The following MYO15A variants were observed in gnomAD, a reference collection of about 807,000 sequenced individuals.
MYO15A encodes the protein myosin XVA, also known as unconventional myosin-XV.
In MYO15A, 308 loss-of-function variants were observed where a neutral mutation model predicts 394.6. The observed-to-expected ratio is 0.78, with a 90% CI of 0.71 to 0.86. The LOEUF is 0.86. MYO15A is among the 40% of genes least tolerant of loss of function. The pLI is 0.00. For synonymous variants in MYO15A, 1,957 were observed against 2,003.8 expected (o/e 0.98, Z 0.62); for missense variants, 4,606 against 4,799.1 (o/e 0.96, Z 1.19).
At chr17:18,154,595 A>G in intron 44 of MYO15A, 85 bp from the exon 45 acceptor site, 1 of 1,413,028 alleles carries the variant, frequency 7.1e-7, no homozygotes, top group Non-Finnish European at 9.9e-7. Flanking sequence ...CCCCTCCCAC[A>G]TTGCCACTCA....
At chr17:18,115,019 C>T (rs141942884) in intron 1 of MYO15A, among the ~76,000 whole-genome samples, 6 of 152,306 alleles carry the variant, frequency 3.9e-5, no homozygotes, top group African/African-American at 1.2e-4. Flanking sequence ...GGATCCTGGG[C>T]CCTACTTCCT....
chr17:18,171,896 G>A (rs1223941467), intron 63 of MYO15A, 125 bp downstream of exon 63: 1 of 1,437,806 alleles, frequency 7.0e-7, no homozygotes, highest in Non-Finnish European at 9.3e-7. Flanking sequence ...GTCAAGCTGA[G>A]CACCTGCCTG....
At position 18,117,471 on chromosome 17, in the gene MYO15A, T is replaced by A. The variant is rs2045806252; in HGVS notation, c.-219-1111T>A. On this transcript the variant is annotated intron_variant, in intron 1 of 65. Coordinates refer to ENST00000647165, the MANE Select transcript of MYO15A (RefSeq NM_016239.4). The surrounding 1 kb of genome is among the most constrained non-coding windows in gnomAD (Gnocchi z 4.1). ...AACCTTGCTGCTTTGGGGTCTCCTA[T>A]GCTAAACCTTAAACAACCAAAGAAT... Among the ~76,000 whole-genome samples the A allele has an allele frequency of 1.3e-5, 2 of 152,212 alleles. No homozygotes were observed. The highest frequency in any genetic ancestry group is 4.8e-5 in the African/African-American group (2 of 41,446).
At position 18,146,031 on chromosome 17, in the gene MYO15A, G is replaced by A. The variant is rs2046473779; in HGVS notation, c.6433G>A (p.Glu2145Lys). Residue 2145 changes from glutamate to lysine, a missense_variant, in exon 30 of 66, where the codon GAG becomes AAG. Glu to Lys is a moderately conservative substitution (Grantham distance 56). Coordinates refer to ENST00000647165, the MANE Select transcript of MYO15A (RefSeq NM_016239.4). ...VWHNHNAHNA[E>K]RGWLLLAACL... ...GCACAATCACAATGCCCACAATGCT[G>A]AGCGGGGCTGGCTGCTGCTGGCCGC... The A allele has an allele frequency of 6.2e-7, 1 of 1,614,000 alleles. No homozygotes were observed. Among genetic ancestry groups the A allele is most frequent in the Admixed American group, 1.7e-5 (1 of 60,026 alleles).
In MYO15A at chr17:18,154,813, C is replaced by A. The variant is rs1047365751; in HGVS notation, c.8224+58C>A. 6 of 1,572,444 alleles carry A rather than the reference C, an allele frequency of 3.8e-6. No individual in the cohort carries two copies. In the Admixed American group the frequency reaches 8.4e-5, roughly 22 times the overall value. On this transcript the variant is annotated intron_variant, in intron 45 of 65. Transcript: ENST00000647165. ...GCAACCAGTCAGAGGCACAGCCAGC[C>A]CTGTCCCAGAGGGAGACTGAGGCTG...
intron 2 of MYO15A, chr17:18,123,252 C>T (rs854789): frequency 0.44 from 67,456 of 152,220 alleles, 16,352 homozygotes; most frequent in East Asian, 0.74. Context: ...CAATGGCAAC[C>T]GGGGCAGCCT....
At position 18,158,270 on chromosome 17, in the gene MYO15A, G is replaced by A. The variant is rs1020980090; in HGVS notation, c.8968-253G>A. On this transcript the variant is annotated intron_variant, in intron 51 of 65. Coordinates refer to ENST00000647165, the MANE Select transcript of MYO15A (RefSeq NM_016239.4). ...CGAGGGGCGGGGTCAGCTGTGACGT[G>A]GCAGTTGCGGAAGTCAACCCCGGGC... 5.9e-5 allele frequency: 35 copies of A among 592,206 alleles called. No homozygotes were observed. In the African/African-American group the frequency reaches 6.3e-4, roughly 11 times the overall value. The allele number at this position is 592,206 out of a possible 1,614,324, so 36.7% of individuals were successfully genotyped here. A position where few individuals can be genotyped will look rare whatever the true frequency, so the allele number is the denominator to read the frequency against.
At chr17:18,149,155 A>C in intron 33 of MYO15A, 61 bp from the exon 34 acceptor site, 1 of 1,604,852 alleles carries the variant, frequency 6.2e-7, no homozygotes, top group Admixed American at 1.7e-5. Context: ...TGCAGAAGAA[A>C]ATTTGGGGGA....
rs2046504807 is a variant in MYO15A, at chr17:18,147,659, C to T, written c.6510-370C>T. 2.0e-5 allele frequency among the ~76,000 whole-genome samples: 3 copies of T among 152,294 alleles called. 1 individual carries two copies. The highest frequency in any genetic ancestry group is 4.2e-4 in the South Asian group (2 of 4,814). Reference sequence around the variant, plus strand: ...GTTGTTGCCCACACCCAGCTGCAGACCCCAGCCTGTCAATGACATTTTGTT... The same window carrying T: ...GTTGTTGCCCACACCCAGCTGCAGATCCCAGCCTGTCAATGACATTTTGTT... On this transcript the variant is annotated intron_variant, in intron 30 of 65. Transcript: ENST00000647165. This position sits in a 1 kb window ranked among gnomAD's most constrained non-coding sequence, Gnocchi z 4.4.
intron 56 of MYO15A, chr17:18,160,963 C>T (rs1216721651): frequency 7.4e-6 from 3 of 403,652 alleles, no homozygotes; most frequent in Admixed American, 7.2e-5. Context: ...AGCCCTGGGC[C>T]TTACCTGGCA....
At chr17:18,112,569 G>A (rs749626404) in intron 1 of MYO15A, among the ~76,000 whole-genome samples, 6 of 152,160 alleles carry the variant, frequency 3.9e-5, no homozygotes, top group African/African-American at 7.2e-5. Context: ...CACCATGTTC[G>A]GCTGATTTTT....
intron 25 of MYO15A, 146 bp downstream of exon 25, chr17:18,142,986 G>A (rs1361592993): frequency 2.7e-6 from 2 of 746,230 alleles, no homozygotes; most frequent in African/African-American, 1.7e-5. Flanking sequence ...TTTGGCCATT[G>A]TCTATCCTCG....
At position 18,157,249 on chromosome 17, in the gene MYO15A, G is replaced by C; in HGVS notation, c.8788+19G>C. On this transcript the variant is annotated intron_variant, in intron 50 of 65. Transcript: ENST00000647165. ...GACTTTGGTGTGTGCCCCAGAACCT[G>C]GAACCCCATACGGGGCGCATCCTAG... The C allele has an allele frequency of 1.3e-6, 2 of 1,592,502 alleles. No individual in the cohort carries two copies. Among genetic ancestry groups the C allele is most frequent in the Non-Finnish European group, 8.6e-7 (1 of 1,169,088 alleles).
intron 38 of MYO15A, 45 bp from the exon 39 acceptor site, chr17:18,151,065 C>T (rs1017634161): frequency 3.7e-6 from 6 of 1,612,570 alleles, no homozygotes; most frequent in Non-Finnish European, 2.5e-6. Flanking sequence ...AGAGAGCAGC[C>T]TGGTATATCC....
At chr17:18,146,800 A>G (rs1340746706) in intron 30 of MYO15A, among the ~76,000 whole-genome samples, 1 of 152,140 alleles carries the variant, frequency 6.6e-6, no homozygotes, top group Non-Finnish European at 1.5e-5. Context: ...TGGCACACGC[A>G]TGTAGTCCCA....
intron 19 of MYO15A, among the ~76,000 whole-genome samples, chr17:18,140,058 C>T (rs2046351084): frequency 6.6e-6 from 1 of 152,222 alleles, no homozygotes; most frequent in Non-Finnish European, 1.5e-5. Flanking sequence ...GGGGGACCAA[C>T]TTTGGGTTCC....
rs757242173 is a variant in MYO15A, at chr17:18,122,087, C to G, written c.3287C>G (p.Ala1096Gly). 7.4e-6 allele frequency: 12 copies of G among 1,612,684 alleles called. No individual in the cohort carries two copies. Among genetic ancestry groups the G allele is most frequent in the Non-Finnish European group, 8.5e-6 (10 of 1,179,952 alleles). Residue 1096 changes from alanine (A) to glycine (G), a missense_variant, in exon 2 of 66, where the codon GCC (alanine) becomes GGC (glycine). Physicochemically the swap from Ala to Gly is moderately conservative, Grantham distance 60. Around this residue, in one of 2 missense-constraint regions of MYO15A, gnomAD observed 1,830 missense variants for 1,689.7 expected, o/e 1.08. Transcript: ENST00000647165. The stretch of plus-strand genomic sequence containing the variant: ...GCAGCCCCCTTGGCGCCCATCAGGG[C>G]CCCAGAGCCCCTGCCCAAGGGGGGT... Reference protein sequence around the residue: ...QAAAPLAPIRAPEPLPKGGER... With the variant: ...QAAAPLAPIRGPEPLPKGGER...
chr17:18,156,895 A>C, intron 48 of MYO15A, 59 bp from the exon 49 acceptor site: 1 of 1,457,356 alleles, frequency 6.9e-7, no homozygotes, highest in South Asian at 1.1e-5. Context: ...GGGTGGCCCT[A>C]GGCCTCTGGG....
chr17:18,126,209 T>G, intron 4 of MYO15A, 138 bp from the exon 5 acceptor site: 1 of 738,340 alleles, frequency 1.4e-6, no homozygotes, highest in Non-Finnish European at 2.4e-6. Flanking sequence ...GGTAGAGGGC[T>G]CTAGATGGGA....
Sources: allele counts gnomAD v4.1 joint callset (sites outside exome capture counted in the v4.1 genomes callset), GRCh38; gene constraint gnomAD v4.1.1; regional missense constraint gnomAD v4.1.1; non-coding constraint Gnocchi (gnomAD v3.1); transcripts MANE v1.5; gene names NCBI Gene and HGNC (gene_info 2026-07-23, HGNC 2026-07-21).